The following HECTD4 variants were observed in gnomAD, a reference collection of about 807,000 sequenced individuals.
HECTD4 encodes probable E3 ubiquitin-protein ligase HECTD4.
A neutral mutation model predicts 471.5 loss-of-function variants in HECTD4; 114 were observed. That is an observed-to-expected ratio of 0.24 (90% CI 0.21 to 0.28). The LOEUF (loss-of-function observed/expected upper bound fraction) is 0.28, where lower values mean the gene tolerates loss of function less well. Among genes scored for constraint, HECTD4 ranks in the 10% least tolerant of loss-of-function variants. The pLI is 1.00. For synonymous variants in HECTD4, 2,012 were observed against 2,256.0 expected, an observed-to-expected ratio of 0.89 and a Z score of 3.07; for missense variants, 3,866 against 5,651.5, an observed-to-expected ratio of 0.68 and a Z score of 10.13.
In HECTD4 at chr12:112,382,278, G is replaced by C. The variant is rs1594091984; in HGVS notation, c.-150C>G. The C allele has an allele frequency of 9.0e-6, 6 of 663,104 alleles. No individual in the cohort carries two copies. The South Asian group carries it at 3.8e-4, about 42-fold the overall frequency. The allele number at this position is 663,104 out of a possible 1,614,324, so 41.1% of individuals were successfully genotyped here. ...CCTCGCCCGTGCAACTCCGCCCTAG[G>C]CGGTCCGAGTCGCCATACCCCCGAC... On this transcript the variant is annotated 5_prime_UTR_variant, in exon 1 of 76. Transcript: ENST00000682272.
intron 69 of HECTD4, 118 bp from the exon 70 acceptor site, chr12:112,169,776 C>A: frequency 8.5e-7 from 1 of 1,173,788 alleles, no homozygotes; most frequent in Non-Finnish European, 1.2e-6. Flanking sequence ...TGCTCCCTCG[C>A]TCGGCCCCCT....
rs10850016 is a variant in HECTD4, at chr12:112,214,719, T to C, written c.7465+1573A>G. On this transcript the variant is annotated intron_variant, in intron 48 of 75. Coordinates refer to ENST00000682272, the MANE Select transcript of HECTD4 (RefSeq NM_001388303.1). Reference sequence around the variant, plus strand: ...CCAGCCTACCACCCACCCCCTGACATACACCCTTTTGTGCTGAAAGCACTT... The same window carrying C: ...CCAGCCTACCACCCACCCCCTGACACACACCCTTTTGTGCTGAAAGCACTT... Among the ~76,000 whole-genome samples, 8,445 of 152,230 alleles carry C rather than the reference T, an allele frequency of 0.055. 1,294 individuals are homozygous for C. In the East Asian group the frequency reaches 0.61, roughly 11 times the overall value.
At chr12:112,215,157 GAACA>G (rs1247540837) in intron 48 of HECTD4, among the ~76,000 whole-genome samples, 1 of 151,880 alleles carries the variant, frequency 6.6e-6, no homozygotes. Context: ...CACTTCAAAA[GAACA>G]AACAAACAAA....
At chr12:112,368,339 A>G (rs2036605638) in intron 1 of HECTD4, among the ~76,000 whole-genome samples, 1 of 152,226 alleles carries the variant, frequency 6.6e-6, no homozygotes, top group South Asian at 2.1e-4. Context: ...CACTATTAAA[A>G]TCCCTCGAAA....
chr12:112,168,095 A>G (rs965876195), intron 70 of HECTD4, among the ~76,000 whole-genome samples, 178 bp from the exon 71 acceptor site: 1 of 151,960 alleles, frequency 6.6e-6, no homozygotes, highest in Non-Finnish European at 1.5e-5. Flanking sequence ...CCTGCTCTCC[A>G]CTCACTAGTG....
chr12:112,278,047 C>T (rs983525053), intron 9 of HECTD4, among the ~76,000 whole-genome samples: 3 of 151,884 alleles, frequency 2.0e-5, no homozygotes, highest in Admixed American at 6.6e-5. Context: ...TTGCTACTAT[C>T]GAGTAAAACC....
chr12:112,205,852 C>G (rs1481290415), intron 52 of HECTD4, among the ~76,000 whole-genome samples: 1 of 152,110 alleles, frequency 6.6e-6, no homozygotes, highest in African/African-American at 2.4e-5. Flanking sequence ...CCTTGGCCTT[C>G]CAAAGTGCTG....
At position 112,200,621 on chromosome 12, in the gene HECTD4, G is replaced by C. The variant is rs775123724; in HGVS notation, c.8567+17C>G. The stretch of plus-strand genomic sequence containing the variant: ...GTGGATTTCTGTGACCCAGTAGAAA[G>C]AAGGGCCCAATTGTACCTGTGAATT... On this transcript the variant is annotated intron_variant, in intron 55 of 75. Coordinates refer to ENST00000682272, the MANE Select transcript of HECTD4 (RefSeq NM_001388303.1). 6 of 1,601,684 alleles carry C rather than the reference G, an allele frequency of 3.7e-6. No individual in the cohort carries two copies. The highest frequency in any genetic ancestry group is 1.3e-5 in the African/African-American group (1 of 74,802).
At chr12:112,347,501 C>A (rs1203817204) in intron 1 of HECTD4, among the ~76,000 whole-genome samples, 1 of 152,106 alleles carries the variant, frequency 6.6e-6, no homozygotes, top group Non-Finnish European at 1.5e-5. Context: ...CAGAGAGAGA[C>A]CCTGTCTCAA....
intron 66 of HECTD4, among the ~76,000 whole-genome samples, chr12:112,175,263 C>G (rs1341215781): frequency 6.6e-6 from 1 of 152,292 alleles, no homozygotes; most frequent in East Asian, 1.9e-4. Context: ...AGGTCATCAG[C>G]GTGGGCTCCT....
chr12:112,184,069 G>A lies in HECTD4; in HGVS notation c.10779+118C>T. 1 of 990,930 alleles carries A rather than the reference G, an allele frequency of 1.0e-6. No homozygotes were observed. Among genetic ancestry groups the A allele is most frequent in the South Asian group, 1.6e-5 (1 of 64,016 alleles). The allele number at this position is 990,930 out of a possible 1,614,324, so 61.4% of individuals were successfully genotyped here. On this transcript the variant is annotated intron_variant, in intron 61 of 75. Transcript: ENST00000682272. This position sits in a 1 kb window ranked among gnomAD's most constrained non-coding sequence, Gnocchi z 9.1. ...TGTGCTCATTCCAAGGGCTGCCCCAGGGAGCCCCCAACCGCTCCACCATTA... is the reference window on the plus strand; with the variant it reads ...TGTGCTCATTCCAAGGGCTGCCCCAAGGAGCCCCCAACCGCTCCACCATTA...
At chr12:112,279,512 A>G in intron 8 of HECTD4, 126 bp from the exon 9 acceptor site, 2 of 797,532 alleles carry the variant, frequency 2.5e-6, no homozygotes, top group Non-Finnish European at 1.9e-6. Flanking sequence ...ACAGATTTCC[A>G]GATTAGGAAA....
At chr12:112,251,316 A>C (rs891488438) in intron 23 of HECTD4, among the ~76,000 whole-genome samples, 182 bp from the exon 24 acceptor site, 1 of 152,268 alleles carries the variant, frequency 6.6e-6, no homozygotes, top group Non-Finnish European at 1.5e-5. Context: ...TGGAATGACC[A>C]GAGTGAAGTC....
intron 62 of HECTD4, among the ~76,000 whole-genome samples, chr12:112,181,548 C>T (rs1336430965): frequency 3.3e-5 from 5 of 152,116 alleles, no homozygotes; most frequent in Non-Finnish European, 5.9e-5. Flanking sequence ...CTGCAGCCTT[C>T]GACTCCTGGG....
intron 62 of HECTD4, 68 bp downstream of exon 62, chr12:112,182,991 A>T (rs2031732034): frequency 1.7e-6 from 2 of 1,175,218 alleles, no homozygotes; most frequent in Non-Finnish European, 2.5e-6. Context: ...TTTAATGCAG[A>T]TTTTTTTCTG....
At chr12:112,366,464 G>A (rs1259489211) in intron 1 of HECTD4, among the ~76,000 whole-genome samples, 1 of 152,094 alleles carries the variant, frequency 6.6e-6, no homozygotes, top group Non-Finnish European at 1.5e-5. Context: ...AGGTGGCAGT[G>A]AGCTATGATT....
chr12:112,303,337 T>C (rs143868624), intron 7 of HECTD4, among the ~76,000 whole-genome samples: 19 of 152,286 alleles, frequency 1.2e-4, no homozygotes, highest in African/African-American at 4.6e-4. Context: ...GTGAGTCATC[T>C]CTCTTCCTCT....
chr12:112,292,421 C>CT (rs2034907313), intron 7 of HECTD4, among the ~76,000 whole-genome samples: 1 of 152,180 alleles, frequency 6.6e-6, no homozygotes, highest in Non-Finnish European at 1.5e-5. Flanking sequence ...TTTACTTCAT[C>CT]TTCCTTTATA....
chr12:112,177,965 C>T (rs1254978680), intron 64 of HECTD4, among the ~76,000 whole-genome samples: 1 of 152,186 alleles, frequency 6.6e-6, no homozygotes, highest in East Asian at 1.9e-4. Context: ...CTATTTTGGT[C>T]ATTCAAAACT....
Sources: allele counts gnomAD v4.1 joint callset (sites outside exome capture counted in the v4.1 genomes callset), GRCh38; gene constraint gnomAD v4.1.1; non-coding constraint Gnocchi (gnomAD v3.1); transcripts MANE v1.5; gene names NCBI Gene and HGNC (gene_info 2026-07-23, HGNC 2026-07-21).